Variants in LHFPL6 observed in about 807,000 individuals in gnomAD.
LHFPL6 encodes the protein LHFPL tetraspan subfamily member 6 protein.
In LHFPL6, 9 loss-of-function variants were observed where a neutral mutation model predicts 20.6. That is an observed-to-expected ratio of 0.44 (90% CI 0.26 to 0.76). LHFPL6 has a LOEUF of 0.76. Among genes scored for constraint, LHFPL6 ranks in the 30% least tolerant of loss-of-function variants. LHFPL6 has a pLI of 0.20. For missense variants in LHFPL6, 218 were observed against 253.5 expected, an observed-to-expected ratio of 0.86 and a Z score of 0.95; for synonymous variants, 105 against 98.7, an observed-to-expected ratio of 1.06 and a Z score of -0.38.
intron 2 of LHFPL6, among the ~76,000 whole-genome samples, chr13:39,495,182 A>G (rs1869057279): frequency 6.6e-6 from 1 of 152,242 alleles, no homozygotes; most frequent in South Asian, 2.1e-4. Context: ...TTCCAAGTAC[A>G]TTCGCTATGT....
chr13:39,564,749 C>T (rs1871656793), intron 2 of LHFPL6, among the ~76,000 whole-genome samples: 1 of 152,144 alleles, frequency 6.6e-6, no homozygotes, highest in Non-Finnish European at 1.5e-5. Flanking sequence ...TTTAAGTAGC[C>T]TTTTATGTAA....
At chr13:39,529,585 C>G (rs1462668914) in intron 2 of LHFPL6, among the ~76,000 whole-genome samples, 1 of 152,162 alleles carries the variant, frequency 6.6e-6, no homozygotes, top group Non-Finnish European at 1.5e-5. Flanking sequence ...CAAATATGTT[C>G]TCATTTAAAG....
chr13:39,423,679 A>G (rs1871555441), intron 2 of LHFPL6, among the ~76,000 whole-genome samples: 1 of 152,196 alleles, frequency 6.6e-6, no homozygotes, highest in Non-Finnish European at 1.5e-5. Flanking sequence ...CAGGCATAGG[A>G]ATCAATATCT....
At chr13:39,549,447 AAC>A (rs1871084077) in intron 2 of LHFPL6, among the ~76,000 whole-genome samples, 1 of 151,792 alleles carries the variant, frequency 6.6e-6, no homozygotes, top group African/African-American at 2.4e-5. Context: ...TCCTAGATAC[AAC>A]ACAAAAACCA....
intron 3 of LHFPL6, among the ~76,000 whole-genome samples, chr13:39,369,517 C>T (rs1870098227): frequency 8.0e-6 from 1 of 124,596 alleles, no homozygotes; most frequent in African/African-American, 2.9e-5. Context: ...CAAATATATA[C>T]AGAAACATGA....
chr13:39,414,966 G>A (rs1593303951), intron 2 of LHFPL6, among the ~76,000 whole-genome samples: 1 of 152,152 alleles, frequency 6.6e-6, no homozygotes, highest in South Asian at 2.1e-4. Flanking sequence ...ATTACTGGGG[G>A]TGGACATGGT....
chr13:39,588,936 A>C (rs942632624), intron 2 of LHFPL6, among the ~76,000 whole-genome samples: 1 of 152,214 alleles, frequency 6.6e-6, no homozygotes, highest in African/African-American at 2.4e-5. Flanking sequence ...TTATCCAACA[A>C]TATTTTTATA....
chr13:39,374,726 T>G (rs1309246600), intron 3 of LHFPL6, among the ~76,000 whole-genome samples: 1 of 152,162 alleles, frequency 6.6e-6, no homozygotes, highest in Non-Finnish European at 1.5e-5. Flanking sequence ...AACCACAATT[T>G]CCATTCTAGC....
At chr13:39,590,497 G>A (rs1343311117) in intron 2 of LHFPL6, among the ~76,000 whole-genome samples, 2 of 152,156 alleles carry the variant, frequency 1.3e-5, no homozygotes, top group Admixed American at 1.3e-4. Context: ...TGCTTCAAGG[G>A]AGCAACAAGA....
intron 2 of LHFPL6, among the ~76,000 whole-genome samples, chr13:39,542,196 T>C (rs1259486426): frequency 6.6e-6 from 1 of 151,490 alleles, no homozygotes; most frequent in East Asian, 1.9e-4. Flanking sequence ...AAGGAAGGAT[T>C]AGGGAGACTC....
At chr13:39,460,454 C>G (rs1419587365) in intron 2 of LHFPL6, among the ~76,000 whole-genome samples, 1 of 152,170 alleles carries the variant, frequency 6.6e-6, no homozygotes, top group African/African-American at 2.4e-5. Flanking sequence ...TATAAGAGAA[C>G]AGAAAACAAC....
chr13:39,380,544 A>G (rs2138361563), intron 2 of LHFPL6, among the ~76,000 whole-genome samples: 1 of 142,732 alleles, frequency 7.0e-6, no homozygotes, highest in Non-Finnish European at 1.5e-5. Flanking sequence ...AGAGTCTCGC[A>G]CTGTCATCCA....
intron 2 of LHFPL6, among the ~76,000 whole-genome samples, chr13:39,392,998 C>T (rs1045663885): frequency 6.6e-6 from 1 of 152,126 alleles, no homozygotes; most frequent in African/African-American, 2.4e-5. Context: ...ATAACAACTA[C>T]TTACATTGCA....
chr13:39,573,001 T>A (rs1361095505), intron 2 of LHFPL6, among the ~76,000 whole-genome samples: 3 of 152,222 alleles, frequency 2.0e-5, no homozygotes, highest in African/African-American at 7.2e-5. Flanking sequence ...GATGGCAAAT[T>A]TCCTAGCTTA....
chr13:39,547,127 T>C (rs1871005715), intron 2 of LHFPL6, among the ~76,000 whole-genome samples: 1 of 152,102 alleles, frequency 6.6e-6, no homozygotes, highest in Admixed American at 6.5e-5. Context: ...CTCCTTTCCT[T>C]CCACATTTCA....
intron 3 of LHFPL6, among the ~76,000 whole-genome samples, chr13:39,376,578 T>C (rs1191630661): frequency 6.6e-6 from 1 of 152,230 alleles, no homozygotes; most frequent in Non-Finnish European, 1.5e-5. Context: ...GCTTCATTTT[T>C]TCATTTTCAA....
chr13:39,352,990 A>ATATAATT lies in LHFPL6; in HGVS notation c.485-8937_485-8936insAATTATA, dbSNP rs1263177836. On this transcript the variant is annotated intron_variant, in intron 3 of 3. Transcript: ENST00000379589. ...ACACACACATATATATATATATATA[A>ATATAATT]TTTTTTTTTTTTTTTTGAGACAGAG... Among the ~76,000 whole-genome samples, 30 of 84,260 alleles carry ATATAATT rather than the reference A, an allele frequency of 3.6e-4. 2 individuals carry two copies. Among genetic ancestry groups the ATATAATT allele is most frequent in the Non-Finnish European group, 5.8e-4 (25 of 43,470 alleles). The allele number at this position is 84,260 out of a possible 152,430, so 55.3% of individuals were successfully genotyped here. A position where few individuals can be genotyped will look rare whatever the true frequency, so the allele number is the denominator to read the frequency against.
At chr13:39,545,400 A>G (rs1037721076) in intron 2 of LHFPL6, among the ~76,000 whole-genome samples, 3 of 152,066 alleles carry the variant, frequency 2.0e-5, no homozygotes, top group Admixed American at 1.3e-4. Context: ...CATCACTTTT[A>G]CACCCTTGAA....
chr13:39,353,770 G>A (rs1357687940), intron 3 of LHFPL6, among the ~76,000 whole-genome samples: 1 of 152,118 alleles, frequency 6.6e-6, no homozygotes, highest in African/African-American at 2.4e-5. Context: ...ATTACAAAAA[G>A]TATAAACTCA....
Sources: gnomAD v4.1 joint callset for allele counts (sites outside exome capture counted in the v4.1 genomes callset) on GRCh38, gnomAD v4.1.1 for gene constraint, MANE v1.5 for transcripts, NCBI Gene and HGNC (gene_info 2026-07-23, HGNC 2026-07-21) for gene names.